DPP10: variants seen among roughly 807,000 people sequenced by gnomAD.
The protein encoded by DPP10 is dipeptidyl peptidase like 10.
A neutral mutation model predicts 120.9 loss-of-function variants in DPP10; 33 were observed. The ratio of observed to expected loss-of-function variants is 0.27; its 90% confidence interval spans 0.21 to 0.37. The LOEUF is 0.37. Among genes scored for constraint, DPP10 ranks in the 10% least tolerant of loss-of-function variants. DPP10 has a pLI of 1.00. For synonymous variants in DPP10, 337 were observed against 326.1 expected, an observed-to-expected ratio of 1.03 and a Z score of -0.36; for missense variants, 816 against 942.8, an observed-to-expected ratio of 0.87 and a Z score of 1.76.
intron 3 of DPP10, among the ~76,000 whole-genome samples, chr2:115,433,195 T>C (rs896905111): frequency 6.6e-6 from 1 of 152,110 alleles, no homozygotes; most frequent in Non-Finnish European, 1.5e-5. Flanking sequence ...ACAATTTTTA[T>C]AAATGTTTCA....
chr2:114,596,757 C>G (rs1691942475), intron 1 of DPP10, among the ~76,000 whole-genome samples: 1 of 151,828 alleles, frequency 6.6e-6, no homozygotes, highest in Admixed American at 6.6e-5. Flanking sequence ...AGTAACTTTC[C>G]CAAAGTTACA....
intron 1 of DPP10, among the ~76,000 whole-genome samples, chr2:115,154,744 GCA>G (rs923488825): frequency 6.6e-6 from 1 of 151,716 alleles, no homozygotes; most frequent in Non-Finnish European, 1.5e-5. Flanking sequence ...CACCCCCTGA[GCA>G]CACACACACA....
intron 3 of DPP10, among the ~76,000 whole-genome samples, chr2:115,497,910 T>G (rs2076485176): frequency 6.6e-6 from 1 of 151,996 alleles, no homozygotes; most frequent in African/African-American, 2.4e-5. Flanking sequence ...CTGTTATTTG[T>G]TCTGCATCAA....
chr2:115,427,108 C>G (rs1363244246), intron 3 of DPP10, among the ~76,000 whole-genome samples: 1 of 152,176 alleles, frequency 6.6e-6, no homozygotes, highest in Non-Finnish European at 1.5e-5. Flanking sequence ...GTCCCACATA[C>G]AGGGCACACA....
intron 1 of DPP10, among the ~76,000 whole-genome samples, chr2:115,002,524 C>CT (rs36125772): frequency 0.24 from 36,398 of 151,968 alleles, 4,917 homozygotes; most frequent in East Asian, 0.34. Flanking sequence ...TAAATGGCAT[C>CT]TAATTGAACT....
intron 1 of DPP10, among the ~76,000 whole-genome samples, chr2:114,687,640 G>A (rs967034): frequency 0.062 from 9,447 of 152,020 alleles, 486 homozygotes; most frequent in African/African-American, 0.14. Context: ...AGGATGAACA[G>A]CTGTTCTGAA....
chr2:115,384,798 A>G (rs1365545481), intron 3 of DPP10, among the ~76,000 whole-genome samples: 1 of 152,224 alleles, frequency 6.6e-6, no homozygotes, highest in African/African-American at 2.4e-5. Flanking sequence ...AAGTGGTGAA[A>G]CATAGAAAGG....
intron 5 of DPP10, among the ~76,000 whole-genome samples, chr2:115,529,097 T>C (rs2078304868): frequency 6.6e-6 from 1 of 152,128 alleles, no homozygotes; most frequent in African/African-American, 2.4e-5. Flanking sequence ...AAAATAATTA[T>C]GTCAAAATAA....
rs535956566 is a variant in DPP10 at position 115,190,065 on chromosome 2, G to C, written c.61-119174G>C. 9.2e-5 allele frequency among the ~76,000 whole-genome samples: 14 copies of C among 152,198 alleles called. No homozygotes were observed. The South Asian group carries it at 1.5e-3, about 16-fold the overall frequency. ...GCTTTCTGCTAATATCATGTCTAAG[G>C]CTCTTCTATTTTCCCAAGCCCTCTG... On this transcript the variant is annotated intron_variant, in intron 1 of 25. Coordinates refer to ENST00000410059, the MANE Select transcript of DPP10 (RefSeq NM_020868.6).
chr2:115,397,045 A>G (rs1401236865), intron 3 of DPP10, among the ~76,000 whole-genome samples: 1 of 152,212 alleles, frequency 6.6e-6, no homozygotes, highest in Non-Finnish European at 1.5e-5. Flanking sequence ...TTTGCAAAAC[A>G]TGATGTGAAC....
At chr2:115,586,898 A>G (rs1259838881) in intron 5 of DPP10, among the ~76,000 whole-genome samples, 1 of 152,084 alleles carries the variant, frequency 6.6e-6, no homozygotes, top group Non-Finnish European at 1.5e-5. Context: ...TGACAAATTA[A>G]AACTGCATGT....
rs138944276 is a variant in DPP10, at chr2:115,076,294, T to A, written c.61-232945T>A. Among the ~76,000 whole-genome samples the A allele has an allele frequency of 9.3e-3, 1,407 of 151,174 alleles. 29 individuals are homozygous for A. The highest frequency in any genetic ancestry group is 0.013 in the Non-Finnish European group (885 of 67,876). On this transcript the variant is annotated intron_variant, in intron 1 of 25. Transcript: ENST00000410059. ...TTAAATGCTATAAACACAATTGAGA[T>A]CCTTTTTCTACCTTTCTCCCATATC...
At chr2:115,150,850 A>G (rs547266605) in intron 1 of DPP10, among the ~76,000 whole-genome samples, 2 of 152,254 alleles carry the variant, frequency 1.3e-5, no homozygotes, top group Non-Finnish European at 2.9e-5. Context: ...TATATATTAG[A>G]TATCAAAATG....
chr2:115,240,690 C>T (rs1035007423), intron 1 of DPP10, among the ~76,000 whole-genome samples: 4 of 152,158 alleles, frequency 2.6e-5, no homozygotes, highest in East Asian at 1.9e-4. Context: ...TGCATCATCA[C>T]GATATTTGCT....
chr2:115,761,677 G>A (rs1445820409), intron 11 of DPP10, among the ~76,000 whole-genome samples: 3 of 151,420 alleles, frequency 2.0e-5, no homozygotes, highest in Admixed American at 6.6e-5. Flanking sequence ...ATATCTTCAC[G>A]TAATGAAGAT....
chr2:114,463,236 A>G (rs1169575679), intron 1 of DPP10, among the ~76,000 whole-genome samples: 1 of 152,112 alleles, frequency 6.6e-6, no homozygotes, highest in Non-Finnish European at 1.5e-5. Context: ...TCCATATTAA[A>G]TATTTAAGCA....
At chr2:115,082,835 T>G (rs1272140287) in intron 1 of DPP10, among the ~76,000 whole-genome samples, 2 of 152,208 alleles carry the variant, frequency 1.3e-5, no homozygotes, top group African/African-American at 4.8e-5. Context: ...AACCTAGGAA[T>G]TCGTGAGCTA....
chr2:114,873,713 T>G (rs1226052802), intron 1 of DPP10, among the ~76,000 whole-genome samples: 2 of 6,606 alleles, frequency 3.0e-4, no homozygotes, highest in African/African-American at 3.3e-4. Flanking sequence ...TTGCAGGATG[T>G]GATTTTAAAA....
chr2:115,038,254 ATTAT>A (rs1430196001), intron 1 of DPP10, among the ~76,000 whole-genome samples: 22 of 148,646 alleles, frequency 1.5e-4, no homozygotes, highest in African/African-American at 5.4e-4. Flanking sequence ...TTATTTATTT[ATTAT>A]TTTATTTATT....
Sources: gnomAD v4.1 joint callset for allele counts (sites outside exome capture counted in the v4.1 genomes callset) on GRCh38, gnomAD v4.1.1 for gene constraint, MANE v1.5 for transcripts, NCBI Gene and HGNC (gene_info 2026-07-23, HGNC 2026-07-21) for gene names.